Variants in DRG2 observed in about 807,000 individuals in gnomAD.
DRG2 encodes developmentally regulated GTP binding protein 2.
Under a neutral mutation model 53.4 loss-of-function variants are expected in DRG2, and 36 were observed. That is an observed-to-expected ratio of 0.67 (90% confidence interval 0.52 to 0.89). The LOEUF (loss-of-function observed/expected upper bound fraction) is 0.89, where lower values mean the gene tolerates loss of function less well. Ranked by LOEUF, DRG2 falls within the 40% of genes least tolerant of loss-of-function variation. The pLI is 0.00. For missense variants in DRG2, 342 were observed against 481.2 expected, an observed-to-expected ratio of 0.71 and a Z score of 2.71; for synonymous variants, 167 against 192.1, an observed-to-expected ratio of 0.87 and a Z score of 1.08.
In DRG2 at chr17:18,103,108, TC is replaced by T. The variant is rs1370767045; in HGVS notation, c.807-691del. On this transcript the variant is annotated intron_variant, in intron 9 of 12. Transcript: ENST00000225729. The surrounding 1 kb of genome is among the most constrained non-coding windows in gnomAD (Gnocchi z 4.4). ...GTCAGTTCTACAGCACAGCCTCAGG[TC>T]CTCTCCTCCTGCTGTGTCCCAGGCC... Among the ~76,000 whole-genome samples the T allele has an allele frequency of 2.0e-5, 3 of 152,020 alleles. No homozygotes were observed. Among genetic ancestry groups the T allele is most frequent in the African/African-American group, 7.3e-5 (3 of 41,374 alleles).
chr17:18,101,412 C>T (rs1483363645), intron 7 of DRG2, 81 bp from the exon 8 acceptor site: 24 of 1,348,470 alleles, frequency 1.8e-5, no homozygotes, highest in Non-Finnish European at 7.3e-6. Context: ...AGCATATTTC[C>T]TGCTTGGCTT....
chr17:18,090,187 C>CTT (rs764657114), intron 1 of DRG2, among the ~76,000 whole-genome samples: 315 of 70,232 alleles, frequency 4.5e-3, no homozygotes, highest in East Asian at 6.5e-3. Context: ...ACACTGAATC[C>CTT]TTTTTTTTTT....
chr17:18,098,396 G>A lies in DRG2; in HGVS notation c.315+37G>A, dbSNP rs199944234. The A allele has an allele frequency of 6.9e-5, 109 of 1,581,358 alleles. No homozygotes were observed. Among genetic ancestry groups the A allele is most frequent in the African/African-American group, 6.6e-4 (49 of 74,270 alleles). ...TGCTGGGCCCAGAAGGAGAAGGGGC[G>A]CATGCTTGTGTTTGGACTTGTGCCT... On this transcript the variant is annotated intron_variant, in intron 3 of 12. Coordinates refer to ENST00000225729, the MANE Select transcript of DRG2 (RefSeq NM_001388.5). This position sits in a 1 kb window ranked among gnomAD's most constrained non-coding sequence, Gnocchi z 4.1.
In DRG2 at chr17:18,107,240, A is replaced by G; in HGVS notation, c.1095A>G (p.Ter365=). The change falls in exon 13 of 13, where the codon TAA becomes TAG. Residue 365 remains the stop codon, a stop_retained_variant. Transcript: ENST00000225729. ...ACGTCATCCAGATCGTGAAGAAGTA[A>G]CGGCGCCTGCCGGGCCTCCCGCCCA... ...HEDVIQIVKK[*] 1 of 1,612,442 alleles carries G rather than the reference A, an allele frequency of 6.2e-7. No homozygotes were observed. The highest frequency in any genetic ancestry group is 1.7e-5 in the Admixed American group (1 of 60,014).
In DRG2 at chr17:18,101,918, C is replaced by T; in HGVS notation, c.730-3C>T. ...GCACCGGCCTCCACCTTCTCAATCT[C>T]AGGTTTATAACAAAATCGACCAGAT... On this transcript the variant is annotated splice_region_variant and splice_polypyrimidine_tract_variant and intron_variant, in intron 8 of 12. Coordinates refer to ENST00000225729, the MANE Select transcript of DRG2 (RefSeq NM_001388.5). 6.2e-7 allele frequency: 1 copy of T among 1,610,812 alleles called. No individual in the cohort carries two copies.
intron 8 of DRG2, 32 bp downstream of exon 8, chr17:18,101,622 A>C (rs1323468491): frequency 1.5e-5 from 24 of 1,602,664 alleles, no homozygotes; most frequent in Non-Finnish European, 2.0e-5. Context: ...TGGCCTGGCC[A>C]CTCGGCCTTT....
At position 18,098,971 on chromosome 17, in the gene DRG2, G is replaced by A. The variant is rs748905099; in HGVS notation, c.316-46G>A. The A allele has an allele frequency of 3.1e-6, 5 of 1,609,546 alleles. No individual in the cohort carries two copies. The highest frequency in any genetic ancestry group is 4.5e-5 in the East Asian group (2 of 44,846). ...CCCAGATCCAGACAGGACCTTTCCAGTGGAGGCCCAGCCTTGCCTTACCTT... is the reference window on the plus strand; with the variant it reads ...CCCAGATCCAGACAGGACCTTTCCAATGGAGGCCCAGCCTTGCCTTACCTT... On this transcript the variant is annotated intron_variant, in intron 3 of 12. Transcript: ENST00000225729. The surrounding 1 kb of genome is among the most constrained non-coding windows in gnomAD (Gnocchi z 4.1).
At chr17:18,104,496 G>C (rs1179189198) in intron 10 of DRG2, 127 bp from the exon 11 acceptor site, 3 of 1,519,268 alleles carry the variant, frequency 2.0e-6, no homozygotes, top group Non-Finnish European at 1.8e-6. Context: ...TGGATGTCAG[G>C]GGGAGGTTAG....
Position 18,098,882 on chromosome 17 carries a change from A to T in DRG2, c.316-135A>T. The T allele has an allele frequency of 2.1e-6, 2 of 944,454 alleles. No individual in the cohort carries two copies. The highest frequency in any genetic ancestry group is 3.2e-6 in the Non-Finnish European group (2 of 621,478). The allele number at this position is 944,454 out of a possible 1,614,324, so 58.5% of individuals were successfully genotyped here. On this transcript the variant is annotated intron_variant, in intron 3 of 12. Coordinates refer to ENST00000225729, the MANE Select transcript of DRG2 (RefSeq NM_001388.5). The surrounding 1 kb of genome is among the most constrained non-coding windows in gnomAD (Gnocchi z 4.1). ...GGGCTGGGGTGGTGACAAGGCTCAG[A>T]CTTGGCCACAGGTTGGCATCTGGGT...
At chr17:18,093,128 T>A (rs1040527238) in intron 1 of DRG2, among the ~76,000 whole-genome samples, 2 of 152,164 alleles carry the variant, frequency 1.3e-5, no homozygotes, top group African/African-American at 4.8e-5. Flanking sequence ...CTCAGCTACA[T>A]AGGACTGACT....
At chr17:18,090,187 CTTTTTTTTT>C (rs764657114) in intron 1 of DRG2, among the ~76,000 whole-genome samples, 1 of 70,272 alleles carries the variant, frequency 1.4e-5, no homozygotes, top group Non-Finnish European at 2.4e-5. Flanking sequence ...ACACTGAATC[CTTTTTTTTT>C]TTTTTTTTTT....
At position 18,102,014 on chromosome 17, in the gene DRG2, C is replaced by T. The variant is rs940659477; in HGVS notation, c.806+17C>T. On this transcript the variant is annotated intron_variant, in intron 9 of 12. Coordinates refer to ENST00000225729, the MANE Select transcript of DRG2 (RefSeq NM_001388.5). ...GGTCATCAGGTGAGGCCACTGGCAT[C>T]CTGCCACTCTGCTGTCCTTGCTGTG... 1.9e-6 allele frequency: 3 copies of T among 1,601,176 alleles called. No homozygotes were observed. The highest frequency in any genetic ancestry group is 1.6e-4 in the Middle Eastern group (1 of 6,064).
At chr17:18,102,492 G>C (rs1471818372) in intron 9 of DRG2, among the ~76,000 whole-genome samples, 1 of 35,548 alleles carries the variant, frequency 2.8e-5, no homozygotes, top group African/African-American at 6.6e-5. Context: ...GTGGTGGCGT[G>C]TGCCTATAAT....
chr17:18,092,754 G>A (rs556640423), intron 1 of DRG2, among the ~76,000 whole-genome samples: 1 of 152,150 alleles, frequency 6.6e-6, no homozygotes, highest in Non-Finnish European at 1.5e-5. Context: ...AGGATCTAAC[G>A]AAGTTACCCT....
rs1567597975 is a variant in DRG2, at chr17:18,090,385, TATATATATATATATATA to T, written c.64+2299_64+2315del. Among the ~76,000 whole-genome samples the T allele has an allele frequency of 2.4e-3, 54 of 22,138 alleles. 3 individuals carry two copies. Among genetic ancestry groups the T allele is most frequent in the African/African-American group, 3.7e-3 (18 of 4,826 alleles). 14.5% of individuals were successfully genotyped at this position (22,138 alleles called of 152,430 possible). ...GGGCTAATTTATATATATATATATATATATATATATATATATATATATTTTTTTTTTTTTTTTTTTTT... is the reference window on the plus strand; with the variant it reads ...GGGCTAATTTATATATATATATATATTATATTTTTTTTTTTTTTTTTTTTT... On this transcript the variant is annotated intron_variant, in intron 1 of 12. Coordinates refer to ENST00000225729, the MANE Select transcript of DRG2 (RefSeq NM_001388.5).
intron 1 of DRG2, among the ~76,000 whole-genome samples, chr17:18,090,313 C>T (rs2045293320): frequency 7.3e-6 from 1 of 137,360 alleles, no homozygotes; most frequent in Admixed American, 7.5e-5. Context: ...AATCCTTCCA[C>T]CTCCACCTCT....
At chr17:18,106,254 T>C (rs750808489) in intron 11 of DRG2, 179 bp from the exon 12 acceptor site, 137 of 625,480 alleles carry the variant, frequency 2.2e-4, no homozygotes, top group Admixed American at 5.0e-4. Flanking sequence ...CAGCTGTGAT[T>C]GGGTGGCTAT....
intron 1 of DRG2, among the ~76,000 whole-genome samples, chr17:18,093,190 C>T (rs1033722095): frequency 2.6e-5 from 4 of 152,174 alleles, no homozygotes; most frequent in African/African-American, 7.2e-5. Flanking sequence ...GATGCCAATG[C>T]GTACTTCACC....
In DRG2 at chr17:18,102,006, A is replaced by C; in HGVS notation, c.806+9A>C. 6.2e-7 allele frequency: 1 copy of C among 1,600,334 alleles called. No individual in the cohort carries two copies. On this transcript the variant is annotated intron_variant, in intron 9 of 12. Coordinates refer to ENST00000225729, the MANE Select transcript of DRG2 (RefSeq NM_001388.5). ...AACAGTGTGGTCATCAGGTGAGGCC[A>C]CTGGCATCCTGCCACTCTGCTGTCC...
Sources: gnomAD v4.1 joint callset for allele counts (sites outside exome capture counted in the v4.1 genomes callset) on GRCh38, gnomAD v4.1.1 for gene constraint, Gnocchi (gnomAD v3.1) non-coding constraint, MANE v1.5 for transcripts, NCBI Gene and HGNC (gene_info 2026-07-23, HGNC 2026-07-21) for gene names.